Variants in MTA3 observed in about 807,000 individuals in gnomAD.
MTA3 encodes metastasis associated 1 family member 3.
Under a neutral mutation model 83.5 loss-of-function variants are expected in MTA3, and 34 were observed. The ratio of observed to expected loss-of-function variants is 0.41; its 90% CI spans 0.31 to 0.54. The LOEUF (loss-of-function observed/expected upper bound fraction) is 0.54. MTA3 is among the 20% of genes least tolerant of loss of function. The probability of loss-of-function intolerance (pLI) is 0.33; values close to 1 mark genes in which losing one functional copy is unlikely to be tolerated. For synonymous variants in MTA3, 303 were observed against 252.7 expected (o/e 1.20, Z -1.89); for missense variants, 761 against 726.4 (o/e 1.05, Z -0.55).
At chr2:42,665,137 C>T (rs1441790034) in intron 8 of MTA3, among the ~76,000 whole-genome samples, 4 of 152,182 alleles carry the variant, frequency 2.6e-5, no homozygotes, top group Non-Finnish European at 5.9e-5. Flanking sequence ...GTGTGGCTCA[C>T]GCCTGTAATC....
At chr2:42,615,926 T>G (rs914794265) in intron 4 of MTA3, among the ~76,000 whole-genome samples, 18 of 151,418 alleles carry the variant, frequency 1.2e-4, no homozygotes, top group Admixed American at 1.1e-3. Flanking sequence ...TTCCCCATGT[T>G]CTCCAGGATG....
At chr2:42,738,314 G>A (rs1668755450) in intron 16 of MTA3, among the ~76,000 whole-genome samples, 1 of 152,148 alleles carries the variant, frequency 6.6e-6, no homozygotes, top group South Asian at 2.1e-4. Context: ...AACGTGGATT[G>A]TGAAGATTTT....
chr2:42,610,912 A>G (rs1012933701), intron 4 of MTA3, among the ~76,000 whole-genome samples: 1 of 151,296 alleles, frequency 6.6e-6, no homozygotes, highest in Non-Finnish European at 1.5e-5. Context: ...TCTTTTGTCC[A>G]CCTCTGCTGG....
intron 6 of MTA3, among the ~76,000 whole-genome samples, chr2:42,646,452 G>A (rs549813711): frequency 1.2e-4 from 18 of 152,284 alleles, no homozygotes; most frequent in South Asian, 1.0e-3. Flanking sequence ...AGAATTCTCC[G>A]TTCTAGATGC....
At chr2:42,603,752 C>T (rs1682866974) in intron 3 of MTA3, among the ~76,000 whole-genome samples, 1 of 152,122 alleles carries the variant, frequency 6.6e-6, no homozygotes, top group Admixed American at 6.6e-5. Flanking sequence ...ACACAATTTT[C>T]TTTCTTTCCT....
chr2:42,559,566 C>G (rs930043390), intron 2 of MTA3, among the ~76,000 whole-genome samples: 2 of 150,710 alleles, frequency 1.3e-5, no homozygotes, highest in African/African-American at 4.9e-5. Context: ...TCAGTAAGAG[C>G]TGCTGGCTCT....
At chr2:42,641,952 A>G (rs10196641) in intron 5 of MTA3, among the ~76,000 whole-genome samples, 19,913 of 152,148 alleles carry the variant, frequency 0.13, 1,396 homozygotes, top group Middle Eastern at 0.22. Flanking sequence ...TGATGGGTAC[A>G]CTAAAAGCCC....
chr2:42,532,867 C>T (rs1676042248), intron 2 of MTA3: 1 of 357,164 alleles, frequency 2.8e-6, no homozygotes, highest in Non-Finnish European at 5.5e-6. Flanking sequence ...TTCAGTTGAA[C>T]CCAGGCACCT....
intron 2 of MTA3, among the ~76,000 whole-genome samples, chr2:42,549,517 GATATAAT>G (rs1188260465): frequency 6.0e-5 from 6 of 99,706 alleles, no homozygotes; most frequent in South Asian, 2.7e-4. Context: ...TAATATATAT[GATATAAT>G]ATATAATATA....
chr2:42,546,443 A>C (rs779887246), intron 2 of MTA3, among the ~76,000 whole-genome samples: 1 of 152,126 alleles, frequency 6.6e-6, no homozygotes, highest in Non-Finnish European at 1.5e-5. Context: ...AAATGTGTAT[A>C]ATCAAATCCA....
chr2:42,711,783 A>AGTGTGTGT (rs763894802), intron 14 of MTA3, among the ~76,000 whole-genome samples: 27 of 147,742 alleles, frequency 1.8e-4, no homozygotes, highest in African/African-American at 6.8e-4. Flanking sequence ...AGAGAGAGAG[A>AGTGTGTGT]GTGTGTGTGT....
At chr2:42,611,796 C>G (rs1230573835) in intron 4 of MTA3, among the ~76,000 whole-genome samples, 1 of 152,068 alleles carries the variant, frequency 6.6e-6, no homozygotes, top group African/African-American at 2.4e-5. Context: ...GCCTGGGGGA[C>G]AGAGTGAGAC....
At chr2:42,604,000 C>T (rs763417769) in intron 3 of MTA3, among the ~76,000 whole-genome samples, 9 of 152,240 alleles carry the variant, frequency 5.9e-5, no homozygotes, top group Admixed American at 3.3e-4. Flanking sequence ...CCGCCTGCCT[C>T]GGTCTCCCAA....
At chr2:42,614,072 G>A (rs1573284678) in intron 4 of MTA3, 1 of 152,272 alleles carries the variant, frequency 6.6e-6, no homozygotes, top group Middle Eastern at 3.4e-3. Flanking sequence ...TCCAATATGT[G>A]TGTATGACTT....
At chr2:42,752,418 T>C in intron 16 of MTA3, 1 of 366,370 alleles carries the variant, frequency 2.7e-6, no homozygotes, top group East Asian at 7.4e-5. Flanking sequence ...CCTAGCCACT[T>C]TCCTAATAAC....
At chr2:42,607,453 C>T (rs898426443) in intron 3 of MTA3, among the ~76,000 whole-genome samples, 7 of 152,240 alleles carry the variant, frequency 4.6e-5, no homozygotes, top group Non-Finnish European at 1.0e-4. Context: ...GATCTCAGCT[C>T]ACAGCACCTT....
chr2:42,514,337 C>T (rs1279006790), intron 2 of MTA3, among the ~76,000 whole-genome samples: 2 of 152,092 alleles, frequency 1.3e-5, no homozygotes, highest in South Asian at 2.1e-4. Context: ...GTAAAAAATA[C>T]ATATGCTTTT....
At chr2:42,568,889 G>A (rs1352329882) in intron 1 of MTA3, 116 bp downstream of exon 1, 4 of 1,037,542 alleles carry the variant, frequency 3.9e-6, no homozygotes, top group East Asian at 7.5e-5. Flanking sequence ...GGTCGCAGTG[G>A]GCTGGGGCGC....
chr2:42,738,951 T>C (rs1376513489), intron 16 of MTA3, among the ~76,000 whole-genome samples: 1 of 152,224 alleles, frequency 6.6e-6, no homozygotes, highest in Non-Finnish European at 1.5e-5. Flanking sequence ...TGATAAGATG[T>C]TATCAATGAC....
Sources: gnomAD v4.1 joint callset for allele counts (sites outside exome capture counted in the v4.1 genomes callset) on GRCh38, gnomAD v4.1.1 for gene constraint, MANE v1.5 for transcripts, NCBI Gene and HGNC (gene_info 2026-07-23, HGNC 2026-07-21) for gene names.